The following GPM6A variants were observed in gnomAD, a reference collection of about 807,000 sequenced individuals.
The protein encoded by GPM6A is glycoprotein M6A, also known as neuronal membrane glycoprotein M6-a.
In GPM6A, 7 loss-of-function variants were observed where a neutral mutation model predicts 32.1. The ratio of observed to expected loss-of-function variants is 0.22; its 90% CI spans 0.12 to 0.41. The LOEUF is 0.41. GPM6A is among the 10% of genes least tolerant of loss of function. The pLI, the probability that GPM6A is intolerant of heterozygous loss-of-function variation, is 1.00. For synonymous variants in GPM6A, 130 were observed against 123.4 expected, an observed-to-expected ratio of 1.05 and a Z score of -0.35; for missense variants, 235 against 347.2, an observed-to-expected ratio of 0.68 and a Z score of 2.57.
chr4:175,958,582 A>G (rs1161127209), intron 1 of GPM6A, among the ~76,000 whole-genome samples: 1 of 152,212 alleles, frequency 6.6e-6, no homozygotes, highest in Non-Finnish European at 1.5e-5. Flanking sequence ...CCATTCATTG[A>G]CCAGGAGGAC....
At chr4:175,687,097 C>T (rs1178383539) in intron 2 of GPM6A, among the ~76,000 whole-genome samples, 2 of 152,142 alleles carry the variant, frequency 1.3e-5, no homozygotes, top group Admixed American at 6.5e-5. Context: ...TGCAATTTTG[C>T]AGGCTATATT....
chr4:175,684,213 A>G (rs777886118), intron 2 of GPM6A, among the ~76,000 whole-genome samples: 4 of 152,152 alleles, frequency 2.6e-5, no homozygotes, highest in Non-Finnish European at 5.9e-5. Context: ...CAAGTGACAG[A>G]TGTTACAAAT....
At chr4:175,696,081 T>C (rs1436622779) in intron 2 of GPM6A, among the ~76,000 whole-genome samples, 1 of 152,130 alleles carries the variant, frequency 6.6e-6, no homozygotes, top group Non-Finnish European at 1.5e-5. Flanking sequence ...TCAGAGTAGA[T>C]GTCATTATTA....
intron 3 of GPM6A, among the ~76,000 whole-genome samples, chr4:175,653,142 A>T (rs998818394): frequency 3.9e-5 from 6 of 152,152 alleles, no homozygotes; most frequent in African/African-American, 1.4e-4. Flanking sequence ...TACTAAAATT[A>T]GCACTTTTGC....
intron 2 of GPM6A, among the ~76,000 whole-genome samples, chr4:175,688,817 T>A (rs1744134929): frequency 6.6e-6 from 1 of 152,148 alleles, no homozygotes; most frequent in African/African-American, 2.4e-5. Flanking sequence ...TACATACATA[T>A]CAAACTGTTG....
At chr4:175,828,085 G>A (rs1735493278) in intron 1 of GPM6A, among the ~76,000 whole-genome samples, 1 of 152,054 alleles carries the variant, frequency 6.6e-6, no homozygotes, top group Non-Finnish European at 1.5e-5. Context: ...CTAAAACATT[G>A]TATATTCATA....
chr4:175,794,345 G>A (rs916359089), intron 1 of GPM6A, among the ~76,000 whole-genome samples: 1 of 152,200 alleles, frequency 6.6e-6, no homozygotes, highest in Admixed American at 6.5e-5. Context: ...ACACATGTGA[G>A]TCCTTAATAG....
chr4:175,644,096 T>C (rs1448489464), intron 4 of GPM6A, among the ~76,000 whole-genome samples: 2 of 151,608 alleles, frequency 1.3e-5, no homozygotes, highest in Non-Finnish European at 2.9e-5. Flanking sequence ...CTTTCTTTCA[T>C]TCCTGCTCTA....
intron 1 of GPM6A, among the ~76,000 whole-genome samples, chr4:175,908,633 A>T (rs899913025): frequency 1.6e-4 from 24 of 152,194 alleles, no homozygotes; most frequent in African/African-American, 5.8e-4. Context: ...AAGTTGCCTT[A>T]GCTGGTTCCA....
At chr4:175,838,001 G>A (rs572088831) in intron 1 of GPM6A, among the ~76,000 whole-genome samples, 5 of 151,830 alleles carry the variant, frequency 3.3e-5, no homozygotes, top group Admixed American at 2.0e-4. Context: ...TGCAGTCAGA[G>A]AAAACACCAA....
At chr4:175,682,376 T>C (rs1743736260) in intron 2 of GPM6A, among the ~76,000 whole-genome samples, 1 of 151,860 alleles carries the variant, frequency 6.6e-6, no homozygotes, top group Admixed American at 6.6e-5. Flanking sequence ...AGCCTGACCA[T>C]GTGGCAAGAG....
chr4:175,943,127 T>C (rs904761604), intron 1 of GPM6A, among the ~76,000 whole-genome samples: 1 of 152,220 alleles, frequency 6.6e-6, no homozygotes, highest in African/African-American at 2.4e-5. Context: ...CTAGGTATTG[T>C]ATTCTCTTTG....
rs35720409 is a variant in GPM6A, at chr4:175,644,899, G to A, written c.542-4070C>T. ...AGGCAGGCGGATCAGCTGAGGTCAG[G>A]AGTTCAAGACCAGCCTGGCCAACAT... On this transcript the variant is annotated intron_variant, in intron 4 of 6. Coordinates refer to ENST00000393658, the MANE Select transcript of GPM6A (RefSeq NM_201591.3). Among the ~76,000 whole-genome samples the A allele has an allele frequency of 3.9e-3, 599 of 152,104 alleles. 4 individuals carry two copies. Among genetic ancestry groups the A allele is most frequent in the Non-Finnish European group, 6.1e-3 (414 of 67,988 alleles).
chr4:175,851,533 C>G (rs1189068221), intron 1 of GPM6A, among the ~76,000 whole-genome samples: 2 of 150,874 alleles, frequency 1.3e-5, no homozygotes, highest in African/African-American at 4.9e-5. Flanking sequence ...TGTCCAAACA[C>G]TCTTAATGTT....
intron 1 of GPM6A, among the ~76,000 whole-genome samples, chr4:175,817,870 CT>C (rs1735156778): frequency 6.6e-6 from 1 of 152,142 alleles, no homozygotes; most frequent in Non-Finnish European, 1.5e-5. Context: ...AGTCTTGCTC[CT>C]TAGCTTTTTT....
intron 1 of GPM6A, among the ~76,000 whole-genome samples, chr4:175,955,953 T>C (rs1739972218): frequency 6.6e-6 from 1 of 152,102 alleles, no homozygotes; most frequent in Non-Finnish European, 1.5e-5. Flanking sequence ...TTTGTGGAAA[T>C]AGTTACACCT....
chr4:175,734,032 T>C (rs1389105385), intron 1 of GPM6A, among the ~76,000 whole-genome samples: 2 of 152,048 alleles, frequency 1.3e-5, no homozygotes, highest in East Asian at 3.9e-4. Flanking sequence ...TCTTTCAATT[T>C]GACTTCCACG....
chr4:175,915,760 A>C (rs77908991), intron 1 of GPM6A, among the ~76,000 whole-genome samples: 313 of 152,336 alleles, frequency 2.1e-3, no homozygotes, highest in African/African-American at 6.6e-3. Flanking sequence ...GGGGAAAAAA[A>C]GGGTATGAGA....
chr4:175,826,831 A>T lies in GPM6A; in HGVS notation c.-22-14582T>A, dbSNP rs1735454486. On this transcript the variant is annotated intron_variant, in intron 1 of 7. Transcript: ENST00000280187. ...ATCACTAGCCTTTTAGGAAAAAAAA[A>T]AGAGTCCTAATGTTGATTTATTTCT... Among the ~76,000 whole-genome samples the T allele has an allele frequency of 5.3e-5, 8 of 152,188 alleles. No individual in the cohort carries two copies. The South Asian group carries it at 1.7e-3, about 32-fold the overall frequency.
Sources: gnomAD v4.1 joint callset for allele counts (sites outside exome capture counted in the v4.1 genomes callset) on GRCh38, gnomAD v4.1.1 for gene constraint, MANE v1.5 for transcripts, NCBI Gene and HGNC (gene_info 2026-07-23, HGNC 2026-07-21) for gene names.